The following RALYL variants were observed in gnomAD, a reference collection of about 807,000 sequenced individuals.
RALYL encodes RALY RNA binding protein like.
RALYL carries 29 observed loss-of-function variants against 35.1 expected under a neutral mutation model. The observed-to-expected ratio is 0.83, with a 90% CI of 0.61 to 1.13. RALYL has a LOEUF of 1.13. RALYL is among the 50% of genes most tolerant of loss of function. The pLI is 0.00. For missense variants in RALYL, 359 were observed against 360.4 expected, an observed-to-expected ratio of 1.00 and a Z score of 0.03; for synonymous variants, 120 against 127.6, an observed-to-expected ratio of 0.94 and a Z score of 0.40.
At chr8:84,423,200 CA>C (rs2045890200) in intron 1 of RALYL, among the ~76,000 whole-genome samples, 1 of 151,374 alleles carries the variant, frequency 6.6e-6, no homozygotes, top group African/African-American at 2.5e-5. Context: ...CTTTGTAGGT[CA>C]CTCAGGACTT....
Position 84,887,610 on chromosome 8 carries a change from A to C in RALYL, c.692A>C (p.Gln231Pro). ...TGCTTTCTCCCCCCCCCAGAAGCTC[A>C]GAAGAAGCAATTGGAAGAGAGTCTA... Reference protein sequence around the residue: ...EKQQKAEAEAQKKQLEESLVL... With the variant: ...EKQQKAEAEAPKKQLEESLVL... Residue 231 changes from glutamine (Q) to proline (P), a missense_variant, in exon 8 of 9, where the codon CAG becomes CCG. Physicochemically the swap from Gln to Pro is moderately conservative, Grantham distance 76. Transcript: ENST00000521268. 1 of 1,595,598 alleles carries C rather than the reference A, an allele frequency of 6.3e-7. No individual in the cohort carries two copies. The highest frequency in any genetic ancestry group is 1.7e-5 in the Admixed American group (1 of 57,678).
In RALYL at chr8:84,701,136, T is replaced by C. The variant is rs180995721; in HGVS notation, c.257-73443T>C. ...TGAATGACCTAGGAGAAAGGTTAACTGTGAGTAACTTTACATCTAAACCTG... is the reference window on the plus strand; with the variant it reads ...TGAATGACCTAGGAGAAAGGTTAACCGTGAGTAACTTTACATCTAAACCTG... On this transcript the variant is annotated intron_variant, in intron 2 of 8. Coordinates refer to ENST00000521268, the MANE Select transcript of RALYL (RefSeq NM_173848.7). Among the ~76,000 whole-genome samples, 3 of 152,270 alleles carry C rather than the reference T, an allele frequency of 2.0e-5. No individual in the cohort carries two copies. In the East Asian group the frequency reaches 5.8e-4, roughly 29 times the overall value.
At chr8:84,865,299 T>TA (rs1475057734) in intron 6 of RALYL, among the ~76,000 whole-genome samples, 1 of 152,180 alleles carries the variant, frequency 6.6e-6, no homozygotes, top group African/African-American at 2.4e-5. Context: ...TACTAAGGTA[T>TA]ATAGCTTGCT....
chr8:84,312,271 A>G (rs1169505051), intron 1 of RALYL, among the ~76,000 whole-genome samples: 1 of 152,156 alleles, frequency 6.6e-6, no homozygotes, highest in East Asian at 1.9e-4. Context: ...ACACATGGGG[A>G]TTACAATTCA....
At chr8:84,897,620 T>C (rs1156777677) in intron 8 of RALYL, among the ~76,000 whole-genome samples, 3 of 152,222 alleles carry the variant, frequency 2.0e-5, no homozygotes, top group African/African-American at 7.2e-5. Context: ...ACTCATGTGA[T>C]CTGGCCATGA....
At chr8:84,461,031 T>A (rs1018815538) in intron 1 of RALYL, among the ~76,000 whole-genome samples, 6 of 151,680 alleles carry the variant, frequency 4.0e-5, no homozygotes, top group Non-Finnish European at 7.4e-5. Flanking sequence ...AAGCAATTTT[T>A]ATTCTTTGCA....
chr8:84,460,374 C>T (rs558257612), intron 1 of RALYL, among the ~76,000 whole-genome samples: 24 of 151,790 alleles, frequency 1.6e-4, no homozygotes, highest in Non-Finnish European at 3.1e-4. Flanking sequence ...AAAGTGAAGG[C>T]TGTACAGGGT....
chr8:84,234,716 A>C lies in RALYL; in HGVS notation c.-24+50292A>C, dbSNP rs541565501. ...AAATCAATTTTCTGAGAGGACATGCAACTTTACTTCATTAAAGTATTTACT... is the reference window on the plus strand; with the variant it reads ...AAATCAATTTTCTGAGAGGACATGCCACTTTACTTCATTAAAGTATTTACT... On this transcript the variant is annotated intron_variant, in intron 1 of 8. Coordinates refer to ENST00000521268, the MANE Select transcript of RALYL (RefSeq NM_173848.7). 9.7e-4 allele frequency among the ~76,000 whole-genome samples: 147 copies of C among 152,278 alleles called. 1 individual carries two copies. The highest frequency in any genetic ancestry group is 3.4e-3 in the African/African-American group (140 of 41,568).
intron 2 of RALYL, among the ~76,000 whole-genome samples, chr8:84,638,337 T>C (rs1399703652): frequency 6.6e-6 from 1 of 151,840 alleles, no homozygotes; most frequent in Non-Finnish European, 1.5e-5. Context: ...TTCATAGCCT[T>C]AAATACCTGC....
chr8:84,285,560 C>T (rs763942234), intron 1 of RALYL, among the ~76,000 whole-genome samples: 16 of 151,910 alleles, frequency 1.1e-4, no homozygotes, highest in African/African-American at 3.1e-4. Flanking sequence ...GATGGTGGAG[C>T]GGGGGCATTA....
At chr8:84,896,330 C>T (rs1844739436) in intron 8 of RALYL, among the ~76,000 whole-genome samples, 1 of 152,160 alleles carries the variant, frequency 6.6e-6, no homozygotes, top group African/African-American at 2.4e-5. Flanking sequence ...AAGCCTGAAC[C>T]ATGAGTTCTA....
intron 2 of RALYL, among the ~76,000 whole-genome samples, chr8:84,702,132 T>C (rs1840301909): frequency 6.6e-6 from 1 of 152,154 alleles, no homozygotes; most frequent in Non-Finnish European, 1.5e-5. Context: ...GCATATAACA[T>C]TTAGAAAAGA....
intron 5 of RALYL, among the ~76,000 whole-genome samples, chr8:84,853,872 T>A (rs529910186): frequency 7.2e-5 from 11 of 152,130 alleles, no homozygotes; most frequent in Non-Finnish European, 1.6e-4. Context: ...AGGTGCAAAC[T>A]TGGGCAAGTT....
chr8:84,320,257 A>C (rs985368940), intron 1 of RALYL, among the ~76,000 whole-genome samples: 2 of 152,032 alleles, frequency 1.3e-5, no homozygotes, highest in Admixed American at 6.6e-5. Flanking sequence ...ATGAAATATA[A>C]GTGAGTACAT....
intron 1 of RALYL, among the ~76,000 whole-genome samples, chr8:84,252,422 A>C (rs1830370996): frequency 6.6e-6 from 1 of 152,178 alleles, no homozygotes; most frequent in South Asian, 2.1e-4. Context: ...GAAAACTCAC[A>C]AACGCCTACA....
chr8:84,794,209 C>T (rs1821410207), intron 3 of RALYL, among the ~76,000 whole-genome samples: 1 of 152,178 alleles, frequency 6.6e-6, no homozygotes, highest in Admixed American at 6.5e-5. Context: ...ACACTCTGCA[C>T]AACTTATTAG....
chr8:84,262,843 G>T (rs186155974), intron 1 of RALYL, among the ~76,000 whole-genome samples: 2 of 152,240 alleles, frequency 1.3e-5, no homozygotes, highest in East Asian at 3.9e-4. Flanking sequence ...TTTATTTCAT[G>T]AAGATTTTGT....
intron 2 of RALYL, among the ~76,000 whole-genome samples, chr8:84,599,028 T>C (rs1000427834): frequency 6.6e-6 from 1 of 152,164 alleles, no homozygotes; most frequent in African/African-American, 2.4e-5. Flanking sequence ...TGATTAGTGA[T>C]GCGGAACATT....
At chr8:84,769,808 G>T (rs1311722759) in intron 2 of RALYL, among the ~76,000 whole-genome samples, 6 of 152,088 alleles carry the variant, frequency 3.9e-5, no homozygotes, top group African/African-American at 1.4e-4. Context: ...ATAATTTACA[G>T]TTTTCATTCC....
Sources: gnomAD v4.1 joint callset for allele counts (sites outside exome capture counted in the v4.1 genomes callset) on GRCh38, gnomAD v4.1.1 for gene constraint, MANE v1.5 for transcripts, NCBI Gene and HGNC (gene_info 2026-07-23, HGNC 2026-07-21) for gene names.